TTC7B: variants seen among roughly 807,000 people sequenced by gnomAD.
TTC7B encodes tetratricopeptide repeat protein 7B.
A neutral mutation model predicts 106.8 loss-of-function variants in TTC7B; 28 were observed. The ratio of observed to expected loss-of-function variants is 0.26; its 90% CI spans 0.19 to 0.36. TTC7B has a LOEUF of 0.36. Ranked by LOEUF, TTC7B falls within the 10% of genes least tolerant of loss-of-function variation. The pLI is 1.00. For synonymous variants in TTC7B, 405 were observed against 430.6 expected, an observed-to-expected ratio of 0.94 and a Z score of 0.74; for missense variants, 862 against 1,076.4, an observed-to-expected ratio of 0.80 and a Z score of 2.79.
At chr14:90,736,533 C>T (rs867830689) in intron 4 of TTC7B, among the ~76,000 whole-genome samples, 8 of 151,982 alleles carry the variant, frequency 5.3e-5, no homozygotes, top group African/African-American at 1.7e-4. Flanking sequence ...GATCACTCCA[C>T]TGCACTCCAG....
At chr14:90,715,633 C>T (rs1428166094) in intron 5 of TTC7B, among the ~76,000 whole-genome samples, 10 of 152,182 alleles carry the variant, frequency 6.6e-5, no homozygotes, top group Admixed American at 5.9e-4. Flanking sequence ...AGTGAAGGGA[C>T]TTGCCAAGGT....
chr14:90,644,418 C>T (rs1336050013), intron 14 of TTC7B, among the ~76,000 whole-genome samples: 1 of 152,178 alleles, frequency 6.6e-6, no homozygotes, highest in Non-Finnish European at 1.5e-5. Flanking sequence ...GCAGAAGCCA[C>T]CTTCAAAAGA....
intron 9 of TTC7B, among the ~76,000 whole-genome samples, chr14:90,662,551 T>C (rs17126946): frequency 0.2 from 29,849 of 152,080 alleles, 3,054 homozygotes; most frequent in Middle Eastern, 0.23. Context: ...CCCTTCAGAA[T>C]AGGGAATACA....
chr14:90,759,931 T>C lies in TTC7B; in HGVS notation c.446-15009A>G, dbSNP rs1381572487. On this transcript the variant is annotated intron_variant, in intron 3 of 19. Coordinates refer to ENST00000328459, the MANE Select transcript of TTC7B (RefSeq NM_001010854.2). This position sits in a 1 kb window ranked among gnomAD's most constrained non-coding sequence, Gnocchi z 4.1. ...GGAGATAAAGCAGGCAGCTTAGATA[T>C]GACACAGCCTCAACACCCAACCCAG... Among the ~76,000 whole-genome samples the C allele has an allele frequency of 6.6e-6, 1 of 152,192 alleles. No homozygotes were observed. The highest frequency in any genetic ancestry group is 1.5e-5 in the Non-Finnish European group (1 of 68,018).
intron 19 of TTC7B, among the ~76,000 whole-genome samples, chr14:90,565,214 C>T (rs2139788616): frequency 6.6e-6 from 1 of 152,284 alleles, no homozygotes. Context: ...CTCAAACTTT[C>T]TCCCTATCAG....
Position 90,689,692 on chromosome 14 carries a change from T to C in TTC7B, c.798A>G (p.Ala266=). Residue 266 remains alanine, a synonymous_variant, in exon 7 of 20, where the codon GCA becomes GCG. Coordinates refer to ENST00000328459, the MANE Select transcript of TTC7B (RefSeq NM_001010854.2). ...CACACATACCCCGCAACAAGATCTC[T>C]GCCAGCTGCCTGGCTATTGTCTGGG... The part of the protein sequence containing the change: ...NLRMTIARQL[A]EILLRGMCEQ... 6.2e-7 allele frequency: 1 copy of C among 1,614,100 alleles called. No individual in the cohort carries two copies. The highest frequency in any genetic ancestry group is 8.5e-7 in the Non-Finnish European group (1 of 1,179,988).
chr14:90,786,657 G>A (rs755682359), intron 1 of TTC7B, among the ~76,000 whole-genome samples: 3 of 151,950 alleles, frequency 2.0e-5, no homozygotes, highest in African/African-American at 4.8e-5. Flanking sequence ...TCGGCTCACC[G>A]CAACCTCCAC....
chr14:90,694,035 G>T (rs745443503), intron 6 of TTC7B, among the ~76,000 whole-genome samples: 1 of 152,202 alleles, frequency 6.6e-6, no homozygotes, highest in Admixed American at 6.5e-5. Context: ...AAAAAGGAAA[G>T]AAATACTGAT....
chr14:90,528,409 C>T lies in TTC7B; in HGVS notation c.*12959G>A. ...TTTTGTCATTCTTTTGAGGCAGGGT[C>T]TTGCTGTGTCTCCCAGGCTGGGGTG... On this transcript the variant is annotated 3_prime_UTR_variant, in exon 20 of 20. Coordinates refer to ENST00000328459, the MANE Select transcript of TTC7B (RefSeq NM_001010854.2). The T allele has an allele frequency of 6.6e-6, 1 of 152,554 alleles. No individual in the cohort carries two copies. The highest frequency in any genetic ancestry group is 1.9e-4 in the East Asian group (1 of 5,214). 9.5% of individuals were successfully genotyped at this position (152,554 alleles called of 1,614,324 possible). A position where few individuals can be genotyped will look rare whatever the true frequency, so the allele number is the denominator to read the frequency against.
At chr14:90,666,321 C>T (rs1037092498) in intron 9 of TTC7B, among the ~76,000 whole-genome samples, 2 of 152,144 alleles carry the variant, frequency 1.3e-5, no homozygotes, top group Admixed American at 6.5e-5. Flanking sequence ...GCCACCACGC[C>T]TGGCTAATTT....
intron 15 of TTC7B, among the ~76,000 whole-genome samples, chr14:90,627,061 C>A (rs887373261): frequency 6.6e-6 from 1 of 152,016 alleles, no homozygotes; most frequent in Non-Finnish European, 1.5e-5. Flanking sequence ...AGGGTCAAGA[C>A]CCTCGACCTT....
rs1186105582 is a variant in TTC7B at position 90,584,272 on chromosome 14, G to C, written c.2108-5964C>G. Among the ~76,000 whole-genome samples, 10 of 152,362 alleles carry C rather than the reference G, an allele frequency of 6.6e-5. No individual in the cohort carries two copies. In the East Asian group the frequency reaches 1.9e-3, roughly 29 times the overall value. ...GTGGTGTTCCTGGCTGGGGGACCTG[G>C]TGCTAGATGCACCCAGAACCTCACG... On this transcript the variant is annotated intron_variant, in intron 18 of 19. Coordinates refer to ENST00000328459, the MANE Select transcript of TTC7B (RefSeq NM_001010854.2).
rs1174367306 is a variant in TTC7B, at chr14:90,525,967, A to G, written c.*15401T>C. 1 of 140,950 alleles carries G rather than the reference A, an allele frequency of 7.1e-6. No individual in the cohort carries two copies. Among genetic ancestry groups the G allele is most frequent in the African/African-American group, 2.6e-5 (1 of 37,794 alleles). 8.7% of individuals were successfully genotyped at this position (140,950 alleles called of 1,614,324 possible). A position where few individuals can be genotyped will look rare whatever the true frequency, so the allele number is the denominator to read the frequency against. On this transcript the variant is annotated 3_prime_UTR_variant, in exon 20 of 20. Coordinates refer to ENST00000328459, the MANE Select transcript of TTC7B (RefSeq NM_001010854.2). The stretch of plus-strand genomic sequence containing the variant: ...AGAGTTGCGATTGGTTAAAAAATAA[A>G]AAAAAATAAAAAAAATAAAAAAAAA...
At chr14:90,622,716 GAGTGAGACCCTGCCCCCACTT>G (rs1483502114) in intron 15 of TTC7B, among the ~76,000 whole-genome samples, 10 of 152,266 alleles carry the variant, frequency 6.6e-5, no homozygotes, top group African/African-American at 2.4e-4. Context: ...CTGGGTGAAA[GAGTGAGACCCTGCCCCCACTT>G]CCCCCCAAAA....
chr14:90,563,711 A>G (rs1890679302), intron 19 of TTC7B, among the ~76,000 whole-genome samples: 1 of 152,226 alleles, frequency 6.6e-6, no homozygotes, highest in Non-Finnish European at 1.5e-5. Flanking sequence ...TCAAAGTTGG[A>G]GTCCATCCTC....
intron 3 of TTC7B, among the ~76,000 whole-genome samples, chr14:90,772,240 C>T (rs1010080617): frequency 6.6e-6 from 1 of 151,902 alleles, no homozygotes; most frequent in African/African-American, 2.4e-5. Context: ...GGAAACCTCT[C>T]CTAGGGAAAT....
chr14:90,682,167 C>T lies in TTC7B; in HGVS notation c.951-1632G>A, dbSNP rs187367691. Among the ~76,000 whole-genome samples, 25 of 152,216 alleles carry T rather than the reference C, an allele frequency of 1.6e-4. No individual in the cohort carries two copies. In the East Asian group the frequency reaches 4.4e-3, roughly 27 times the overall value. ...CTAGCCGGTTCTGCATTATCCAGAC[C>T]AATTGAAAAGACAGACAGCCTATGC... On this transcript the variant is annotated intron_variant, in intron 7 of 19. Coordinates refer to ENST00000328459, the MANE Select transcript of TTC7B (RefSeq NM_001010854.2).
At chr14:90,557,222 G>C (rs1319162090) in intron 19 of TTC7B, among the ~76,000 whole-genome samples, 2 of 152,154 alleles carry the variant, frequency 1.3e-5, no homozygotes, top group African/African-American at 4.8e-5. Flanking sequence ...TTTTATCACT[G>C]AACACTGGCA....
chr14:90,546,481 T>G (rs1478642627), intron 19 of TTC7B, among the ~76,000 whole-genome samples: 1 of 152,248 alleles, frequency 6.6e-6, no homozygotes, highest in East Asian at 1.9e-4. Flanking sequence ...AACGTGTTTC[T>G]GCAGGACGCA....
Sources: allele counts gnomAD v4.1 joint callset (sites outside exome capture counted in the v4.1 genomes callset), GRCh38; gene constraint gnomAD v4.1.1; non-coding constraint Gnocchi (gnomAD v3.1); transcripts MANE v1.5; gene names NCBI Gene and HGNC (gene_info 2026-07-23, HGNC 2026-07-21).